TBCD: variants seen among roughly 807,000 people sequenced by gnomAD.
TBCD encodes tubulin folding cofactor D.
In TBCD, 105 loss-of-function variants were observed where a neutral mutation model predicts 169.3. The ratio of observed to expected loss-of-function variants is 0.62; its 90% CI spans 0.53 to 0.73. TBCD has a LOEUF of 0.73. Ranked by LOEUF, TBCD falls within the 30% of genes least tolerant of loss-of-function variation. The pLI, the probability that TBCD is intolerant of heterozygous loss-of-function variation, is 0.00. For synonymous variants in TBCD, 700 were observed against 643.9 expected, an observed-to-expected ratio of 1.09 and a Z score of -1.32; for missense variants, 1,444 against 1,600.1, an observed-to-expected ratio of 0.90 and a Z score of 1.66.
Position 82,938,055 on chromosome 17 carries a change from C to G in TBCD, c.3288C>G (p.Cys1096Trp), listed in dbSNP as rs376721612. The change falls in exon 36 of 39, where the codon TGC becomes TGG. Residue 1096 changes from cysteine to tryptophan, a missense_variant. Transcript: ENST00000355528. ...CATGTGCTGCTCCCGGCAGGTTCTGCGAGATGGTGCAGTTCCCCGGCGACG... is the reference window on the plus strand; with the variant it reads ...CATGTGCTGCTCCCGGCAGGTTCTGGGAGATGGTGCAGTTCCCCGGCGACG... ...QKLLSGIAVF[C>W]EMVQFPGDVR... 1 of 1,613,026 alleles carries G rather than the reference C, an allele frequency of 6.2e-7. No individual in the cohort carries two copies. The highest frequency in any genetic ancestry group is 2.2e-5 in the East Asian group (1 of 44,854).
intron 13 of TBCD, among the ~76,000 whole-genome samples, chr17:82,838,295 G>A (rs1347659749): frequency 1.3e-5 from 2 of 151,950 alleles, no homozygotes; most frequent in African/African-American, 2.4e-5. Context: ...AAGCTTCTAA[G>A]GAGTTTGAAC....
chr17:82,831,491 A>T lies in TBCD; in HGVS notation c.1318+16557A>T. 6.2e-7 allele frequency: 1 copy of T among 1,614,212 alleles called. No homozygotes were observed. The highest frequency in any genetic ancestry group is 8.5e-7 in the Non-Finnish European group (1 of 1,180,038). On this transcript the variant is annotated intron_variant, in intron 13 of 38. Transcript: ENST00000355528. This position sits in a 1 kb window ranked among gnomAD's most constrained non-coding sequence, Gnocchi z 4.6. ...GAGGAAAATGCAGACTCTGGCCTGT[A>T]AAATCCGTAAGGAATCGGCAGGTTA...
At chr17:82,921,456 T>C in intron 24 of TBCD, 45 bp from the exon 25 acceptor site, 2 of 1,491,126 alleles carry the variant, frequency 1.3e-6, no homozygotes, top group Middle Eastern at 1.7e-4. Flanking sequence ...TTTGATTTCA[T>C]GGTGTTTTTG....
At position 82,930,682 on chromosome 17, in the gene TBCD, T is replaced by C. The variant is rs751106073; in HGVS notation, c.3113+39T>C. The stretch of plus-strand genomic sequence containing the variant: ...CTTGGGGCCTCAGAGGCGTGAGTGG[T>C]GCTGGTGCCTCTCACCACGTTCCCA... On this transcript the variant is annotated intron_variant, in intron 33 of 38. Coordinates refer to ENST00000355528, the MANE Select transcript of TBCD (RefSeq NM_005993.5). This position sits in a 1 kb window ranked among gnomAD's most constrained non-coding sequence, Gnocchi z 5.2. The C allele has an allele frequency of 4.3e-6, 7 of 1,612,986 alleles. No individual in the cohort carries two copies. The East Asian group carries it at 1.6e-4, about 36-fold the overall frequency.
At chr17:82,886,513 AAAGCCTACATT>A in intron 15 of TBCD, among the ~76,000 whole-genome samples, 1 of 151,036 alleles carries the variant, frequency 6.6e-6, no homozygotes, top group African/African-American at 2.5e-5. Context: ...AAAGGCACTT[AAAGCCTACATT>A]TAACTGAGAA....
At chr17:82,859,435 A>G (rs1381333387) in intron 13 of TBCD, among the ~76,000 whole-genome samples, 3 of 108,214 alleles carry the variant, frequency 2.8e-5, no homozygotes, top group African/African-American at 8.8e-5. Flanking sequence ...TTTCAGGGAA[A>G]GAGAGTCTCG....
intron 23 of TBCD, among the ~76,000 whole-genome samples, chr17:82,916,952 C>G (rs1001430968): frequency 6.6e-6 from 1 of 151,038 alleles, no homozygotes; most frequent in African/African-American, 2.4e-5. Flanking sequence ...GCACTTAATT[C>G]TTTACGCCTC....
In TBCD at chr17:82,941,396, C is replaced by T. The variant is rs766756432; in HGVS notation, c.3480-3C>T. On this transcript the variant is annotated splice_region_variant and splice_polypyrimidine_tract_variant and intron_variant, in intron 37 of 38. Transcript: ENST00000355528. ...AGACTCACGGCTCTCCCTCTCCTCA[C>T]AGGGACGCGGAGCTTGCAGTGGTGA... 12 of 1,587,284 alleles carry T rather than the reference C, an allele frequency of 7.6e-6. No homozygotes were observed. The highest frequency in any genetic ancestry group is 1.1e-5 in the South Asian group (1 of 87,960).
At chr17:82,804,542 G>A (rs973109203) in intron 9 of TBCD, among the ~76,000 whole-genome samples, 22 of 152,216 alleles carry the variant, frequency 1.4e-4, no homozygotes, top group African/African-American at 5.1e-4. Context: ...CTGCATTGCT[G>A]GGGGGTGTGC....
At chr17:82,856,991 C>G (rs1488365996) in intron 13 of TBCD, among the ~76,000 whole-genome samples, 1 of 151,810 alleles carries the variant, frequency 6.6e-6, no homozygotes, top group African/African-American at 2.4e-5. Context: ...AGGGCGGGAT[C>G]GCTGGACCGC....
intron 37 of TBCD, among the ~76,000 whole-genome samples, chr17:82,940,124 G>A: frequency 6.6e-6 from 1 of 152,106 alleles, no homozygotes; most frequent in East Asian, 1.9e-4. Flanking sequence ...GGTGTCCTGG[G>A]CCAACCGGTA....
intron 35 of TBCD, 157 bp from the exon 36 acceptor site, chr17:82,937,892 T>C (rs1568099595): frequency 6.5e-7 from 1 of 1,528,154 alleles, no homozygotes; most frequent in East Asian, 2.5e-5. Context: ...AGTGCAGATG[T>C]ACGCACACAC....
rs570910494 is a variant in TBCD at position 82,939,448 on chromosome 17, G to T, written c.3451G>T (p.Val1151Leu). The change falls in exon 37 of 39, where the codon GTG becomes TTG. Residue 1151 changes from valine (V) to leucine (L), a missense_variant. By Grantham distance (32) the Val-to-Leu change is conservative. Coordinates refer to ENST00000355528, the MANE Select transcript of TBCD (RefSeq NM_005993.5). Reference sequence around the variant, plus strand: ...CGTGGGCGCGGATGTGCTGGACGAGGTGGTGACTGTGCTCAGTGACACTGC... The same window carrying T: ...CGTGGGCGCGGATGTGCTGGACGAGTTGGTGACTGTGCTCAGTGACACTGC... ...DVVGADVLDE[V>L]VTVLSDTAWD... is the part of the protein sequence containing the mutation. The T allele has an allele frequency of 2.5e-5, 41 of 1,613,504 alleles. No homozygotes were observed. The highest frequency in any genetic ancestry group is 3.4e-5 in the Non-Finnish European group (40 of 1,179,834).
intron 6 of TBCD, among the ~76,000 whole-genome samples, chr17:82,779,179 T>A (rs1191821949): frequency 6.6e-6 from 1 of 151,974 alleles, no homozygotes; most frequent in Non-Finnish European, 1.5e-5. Context: ...GCCCAGCTAA[T>A]TTTTTAATAT....
rs3744161 is a variant in TBCD at position 82,870,181 on chromosome 17, G to C, written c.1319-43G>C. ...TTCTCTGAAGCCTCACGTGTTGCCC[G>C]TGTGGTCTGCTCCTCACCGTCTTTT... is the stretch of plus-strand genomic sequence containing the variant. On this transcript the variant is annotated intron_variant, in intron 13 of 38. Transcript: ENST00000355528. The C allele has an allele frequency of 6.8e-6, 11 of 1,609,804 alleles. No homozygotes were observed. The South Asian group carries it at 1.2e-4, about 18-fold the overall frequency.
chr17:82,928,583 C>CT (rs1314939772), intron 30 of TBCD, among the ~76,000 whole-genome samples: 3 of 151,884 alleles, frequency 2.0e-5, no homozygotes, highest in Non-Finnish European at 4.4e-5. Context: ...TTGCGGGTCT[C>CT]TGTCGGGGGC....
At chr17:82,776,700 C>T (rs767359070) in intron 6 of TBCD, among the ~76,000 whole-genome samples, 5 of 152,126 alleles carry the variant, frequency 3.3e-5, no homozygotes, top group African/African-American at 9.7e-5. Context: ...GACCCGTTCT[C>T]GTGTCAGGAT....
chr17:82,910,384 T>C (rs1364587435), intron 22 of TBCD, among the ~76,000 whole-genome samples: 1 of 152,210 alleles, frequency 6.6e-6, no homozygotes, highest in East Asian at 1.9e-4. Flanking sequence ...GACGAAGCAT[T>C]CCTGGGTCTT....
chr17:82,902,409 A>G (rs376040852), intron 18 of TBCD, among the ~76,000 whole-genome samples: 5 of 152,244 alleles, frequency 3.3e-5, no homozygotes, highest in African/African-American at 1.2e-4. Flanking sequence ...GCGGCTGCAG[A>G]CTGCATTGCC....
Sources: gnomAD v4.1 joint callset for allele counts (sites outside exome capture counted in the v4.1 genomes callset) on GRCh38, gnomAD v4.1.1 for gene constraint, Gnocchi (gnomAD v3.1) non-coding constraint, MANE v1.5 for transcripts, NCBI Gene and HGNC (gene_info 2026-07-23, HGNC 2026-07-21) for gene names.